The following SPAG5 variants were observed in gnomAD, a reference collection of about 807,000 sequenced individuals.
SPAG5 encodes the protein sperm associated antigen 5, also known as sperm-associated antigen 5.
SPAG5 carries 99 observed loss-of-function variants against 145.4 expected under a neutral mutation model. The ratio of observed to expected loss-of-function variants is 0.68; its 90% CI spans 0.58 to 0.80. The LOEUF is 0.80. Ranked by LOEUF, SPAG5 falls within the 30% of genes least tolerant of loss-of-function variation. The probability of loss-of-function intolerance (pLI) is 0.00; values close to 1 mark genes in which losing one functional copy is unlikely to be tolerated. For synonymous variants in SPAG5, 477 were observed against 525.4 expected (o/e 0.91, Z 1.26); for missense variants, 1,192 against 1,416.0 (o/e 0.84, Z 2.54).
At chr17:28,583,767 CTCT>C (rs1187810102) in intron 14 of SPAG5, 83 bp downstream of exon 14, 2 of 1,552,374 alleles carry the variant, frequency 1.3e-6, no homozygotes, top group African/African-American at 1.4e-5. Flanking sequence ...ACTCACAGTT[CTCT>C]TCTTGGAGAT....
chr17:28,596,393 CGCCATA>C lies in SPAG5; in HGVS notation c.177+2111_177+2116del, dbSNP rs2070665316. Among the ~76,000 whole-genome samples the C allele has an allele frequency of 2.6e-5, 4 of 152,102 alleles. No homozygotes were observed. The South Asian group carries it at 6.2e-4, about 24-fold the overall frequency. ...TTAAATTCTATAAGTTCAGGCTGGG[CGCCATA>C]GCTCACACCTGTAATCCCAGCACTT... On this transcript the variant is annotated intron_variant, in intron 2 of 23. Transcript: ENST00000321765.
intron 4 of SPAG5, 33 bp downstream of exon 4, chr17:28,591,665 G>C (rs1385396561): frequency 6.4e-7 from 1 of 1,565,884 alleles, no homozygotes; most frequent in Admixed American, 1.9e-5. Context: ...ATCCCCACTG[G>C]GATCCCTCAA....
At chr17:28,580,210 T>C (rs1413324961) in intron 15 of SPAG5, 90 bp from the exon 16 acceptor site, 1 of 729,318 alleles carries the variant, frequency 1.4e-6, no homozygotes, top group Non-Finnish European at 2.3e-6. Context: ...TCCAAAATGC[T>C]GTTCCACCTA....
intron 4 of SPAG5, among the ~76,000 whole-genome samples, chr17:28,587,298 G>A (rs757531702): frequency 6.7e-6 from 1 of 150,292 alleles, no homozygotes; most frequent in Non-Finnish European, 1.5e-5. Context: ...TGTAATCCCA[G>A]CACTTTGGGA....
rs1195232181 is a variant in SPAG5, at chr17:28,584,155, A to G, written c.2407T>C (p.Leu803=). ...AKEVRDLKET[L]EFADQENQVA... is the part of the protein sequence containing the mutation. ...GCCCAAGCCATATTCCTTACCTCCAAGGTCTCTTTCAGGTCCCGCACCTCT... is the reference window on the plus strand; with the variant it reads ...GCCCAAGCCATATTCCTTACCTCCAGGGTCTCTTTCAGGTCCCGCACCTCT... Residue 803 remains leucine (L), a synonymous_variant, in exon 13 of 24, where the codon TTG becomes CTG. Transcript: ENST00000321765. 20 of 1,613,946 alleles carry G rather than the reference A, an allele frequency of 1.2e-5. No individual in the cohort carries two copies. The highest frequency in any genetic ancestry group is 1.7e-5 in the Admixed American group (1 of 60,006).
In SPAG5 at chr17:28,586,135, T is replaced by C. The variant is rs749697383; in HGVS notation, c.1560A>G (p.Leu520=). ...TATCTTCTTCTAAATGCAACAGGGA[T>C]AGGTGAAGCAAGGATATCAGCTCTT... is the stretch of plus-strand genomic sequence containing the variant. ...ISKELISLLH[L]SLLHLEEDKT... is the part of the protein sequence containing the mutation. The change falls in exon 6 of 24, where the codon CTA becomes CTG. Residue 520 remains leucine (L), a synonymous_variant. Transcript: ENST00000321765. The C allele has an allele frequency of 7.4e-6, 12 of 1,613,980 alleles. No individual in the cohort carries two copies. In the Admixed American group the frequency reaches 1.7e-4, roughly 22 times the overall value.
chr17:28,591,945 TG>T, intron 3 of SPAG5, 36 bp downstream of exon 3: 1 of 1,610,532 alleles, frequency 6.2e-7, no homozygotes, highest in African/African-American at 1.3e-5. Flanking sequence ...TCCAGGGTAA[TG>T]GAACTCACGA....
At chr17:28,582,402 G>T (rs2070554970) in intron 15 of SPAG5, among the ~76,000 whole-genome samples, 1 of 152,190 alleles carries the variant, frequency 6.6e-6, no homozygotes, top group South Asian at 2.1e-4. Flanking sequence ...CCTCTGCCTA[G>T]TGGGACTTCC....
intron 22 of SPAG5, 42 bp from the exon 23 acceptor site, chr17:28,578,132 G>A (rs1475668629): frequency 6.2e-7 from 1 of 1,610,124 alleles, no homozygotes; most frequent in Admixed American, 1.7e-5. Context: ...GCATAAAAGA[G>A]CAAACTTGGT....
chr17:28,592,527 G>A lies in SPAG5; in HGVS notation c.717C>T (p.Ala239=), dbSNP rs2070628973. Residue 239 remains alanine (A), a synonymous_variant, in exon 3 of 24, where the codon GCC becomes GCT. Coordinates refer to ENST00000321765, the MANE Select transcript of SPAG5 (RefSeq NM_006461.4). ...GCCAGAGAACAGAGGAAGGCAAGAA[G>A]GCGTTACTTTCAGAAGGTACTAAGT... ...REDLVPSESN[A]FLPSSVLWLS... 6.2e-7 allele frequency: 1 copy of A among 1,614,206 alleles called. No homozygotes were observed. The highest frequency in any genetic ancestry group is 8.5e-7 in the Non-Finnish European group (1 of 1,180,042).
At chr17:28,584,974 TA>T in intron 10 of SPAG5, 127 bp downstream of exon 10, 1 of 905,606 alleles carries the variant, frequency 1.1e-6, no homozygotes, top group Non-Finnish European at 1.8e-6. Flanking sequence ...ATCTTACAGC[TA>T]AGAGACCTTA....
Position 28,591,858 on chromosome 17 carries a change from A to G in SPAG5, c.1277T>C (p.Leu426Pro). ...CAAGTCATGTCGAGACAAGGCAGTC[A>G]GATCTGGAGGCCGGCTGCAGCAGAA... ...EQLLCGRPPD[L>P]TALSRHDLED... Residue 426 changes from leucine to proline, a missense_variant, in exon 4 of 24, where the codon CTG (leucine) becomes CCG (proline). Coordinates refer to ENST00000321765, the MANE Select transcript of SPAG5 (RefSeq NM_006461.4). 1 of 1,613,776 alleles carries G rather than the reference A, an allele frequency of 6.2e-7. No individual in the cohort carries two copies. Among genetic ancestry groups the G allele is most frequent in the Non-Finnish European group, 8.5e-7 (1 of 1,179,800 alleles).
In SPAG5 at chr17:28,579,447, T is replaced by C; in HGVS notation, c.2923A>G (p.Ile975Val). Residue 975 changes from isoleucine to valine, a missense_variant, in exon 18 of 24, where the codon ATT becomes GTT. Transcript: ENST00000321765. Reference protein sequence around the residue: ...GMEESLAEMSIMTTELQSLCS... With the variant: ...GMEESLAEMSVMTTELQSLCS... ...AGACTCTGAAGCTCAGTAGTCATAA[T>C]ACTCATTTCTGCCAGGCTCTCCTCC... The C allele has an allele frequency of 6.2e-6, 10 of 1,614,138 alleles. No homozygotes were observed. The highest frequency in any genetic ancestry group is 8.5e-6 in the Non-Finnish European group (10 of 1,179,982).
chr17:28,597,204 G>A (rs1316208125), intron 2 of SPAG5, among the ~76,000 whole-genome samples: 1 of 152,134 alleles, frequency 6.6e-6, no homozygotes, highest in Non-Finnish European at 1.5e-5. Context: ...ACCACTTGAG[G>A]TCAGGAGTTT....
chr17:28,589,521 C>T (rs2070607014), intron 4 of SPAG5, among the ~76,000 whole-genome samples: 1 of 152,166 alleles, frequency 6.6e-6, no homozygotes, highest in Non-Finnish European at 1.5e-5. Context: ...TCTTAGCAGT[C>T]AGAAATTTTA....
Position 28,579,381 on chromosome 17 carries a change from TC to T in SPAG5, c.2988del (p.Thr997LeufsTer31). On this transcript the variant is annotated frameshift_variant, in exon 18 of 24. Transcript: ENST00000321765. LOFTEE classifies it high-confidence loss of function. ...CCCACTCACATTTTTCGCTGCAGAG[TC>T]CTGATGGCTTCTTCTTTAGACTCTT... The part of the protein sequence containing the change: ...LLQESKEEAI[R>X]TLQRKICELQ... The T allele has an allele frequency of 6.2e-7, 1 of 1,614,146 alleles. No homozygotes were observed. Among genetic ancestry groups the T allele is most frequent in the Middle Eastern group, 1.7e-4 (1 of 6,060 alleles).
chr17:28,581,375 G>A (rs977445409), intron 15 of SPAG5, among the ~76,000 whole-genome samples: 4 of 151,882 alleles, frequency 2.6e-5, no homozygotes, highest in African/African-American at 9.7e-5. Flanking sequence ...CAACATCTCC[G>A]CTTCATTTCC....
intron 15 of SPAG5, among the ~76,000 whole-genome samples, chr17:28,581,692 A>T (rs2070550037): frequency 6.6e-6 from 1 of 151,848 alleles, no homozygotes; most frequent in South Asian, 2.1e-4. Flanking sequence ...CCCCCGGTCT[A>T]GGTCTCTCCC....
rs764710627 is a variant in SPAG5, at chr17:28,583,858, G to A, written c.2541C>T (p.Asn847=). ...CAGAAAGTTAGAGAACTTACGTTAG[G>A]TTCTCTACAGTGTCCTTGAGGTTCT... ...QCENLKDTVE[N]LTAKLASTIA... is the part of the protein sequence containing the mutation. The change falls in exon 14 of 24, where the codon AAC becomes AAT. Residue 847 remains asparagine (N), a synonymous_variant. Transcript: ENST00000321765. The A allele has an allele frequency of 2.5e-5, 41 of 1,612,432 alleles. No individual in the cohort carries two copies. The highest frequency in any genetic ancestry group is 3.2e-5 in the Non-Finnish European group (38 of 1,178,862).
Sources: gnomAD v4.1 joint callset for allele counts (sites outside exome capture counted in the v4.1 genomes callset) on GRCh38, gnomAD v4.1.1 for gene constraint, MANE v1.5 for transcripts, NCBI Gene and HGNC (gene_info 2026-07-23, HGNC 2026-07-21) for gene names.